The following NKAIN2 variants were observed in gnomAD, a reference collection of about 807,000 sequenced individuals.
NKAIN2 encodes sodium/potassium-transporting ATPase subunit beta-1-interacting protein 2.
Under a neutral mutation model 32.6 loss-of-function variants are expected in NKAIN2, and 14 were observed. The observed-to-expected ratio is 0.43, with a 90% CI of 0.28 to 0.67. The LOEUF (loss-of-function observed/expected upper bound fraction) is 0.67. Among genes scored for constraint, NKAIN2 ranks in the 30% least tolerant of loss-of-function variants. The pLI is 0.17. For missense variants in NKAIN2, 198 were observed against 258.3 expected (o/e 0.77, Z 1.60); for synonymous variants, 80 against 87.2 (o/e 0.92, Z 0.46).
At chr6:124,686,227 G>T (rs950166039) in intron 4 of NKAIN2, among the ~76,000 whole-genome samples, 1 of 152,096 alleles carries the variant, frequency 6.6e-6, no homozygotes, top group African/African-American at 2.4e-5. Context: ...AAAGACTCCC[G>T]CAAGGCAGGC....
At chr6:124,652,228 T>C (rs930776499) in intron 3 of NKAIN2, among the ~76,000 whole-genome samples, 2 of 152,152 alleles carry the variant, frequency 1.3e-5, no homozygotes, top group Non-Finnish European at 2.9e-5. Flanking sequence ...TTTACTCCAG[T>C]TTCCAAAAAG....
chr6:124,412,175 A>C (rs62436313), intron 3 of NKAIN2, among the ~76,000 whole-genome samples: 2 of 151,326 alleles, frequency 1.3e-5, no homozygotes, highest in Admixed American at 6.6e-5. Flanking sequence ...CCTTCTCTCA[A>C]CTCCTCAAAG....
chr6:124,042,542 A>T (rs977038496), intron 1 of NKAIN2, among the ~76,000 whole-genome samples: 1 of 151,992 alleles, frequency 6.6e-6, no homozygotes, highest in Non-Finnish European at 1.5e-5. Context: ...GGGGGAAAAA[A>T]CCCACAAACT....
intron 1 of NKAIN2, among the ~76,000 whole-genome samples, chr6:124,231,661 T>C (rs986183444): frequency 1.3e-5 from 2 of 152,114 alleles, no homozygotes; most frequent in African/African-American, 4.8e-5. Flanking sequence ...ACAAGCTCTC[T>C]TTTTGCTTTC....
At chr6:124,546,083 G>A (rs1048939962) in intron 3 of NKAIN2, among the ~76,000 whole-genome samples, 10 of 152,048 alleles carry the variant, frequency 6.6e-5, no homozygotes, top group African/African-American at 2.2e-4. Flanking sequence ...TTAAAGTTCC[G>A]ATGTTGTTAT....
At chr6:124,625,574 G>A (rs1429695101) in intron 3 of NKAIN2, among the ~76,000 whole-genome samples, 1 of 151,998 alleles carries the variant, frequency 6.6e-6, no homozygotes, top group African/African-American at 2.4e-5. Flanking sequence ...AAAAACCAGT[G>A]GTGCAGCAAG....
intron 1 of NKAIN2, among the ~76,000 whole-genome samples, chr6:124,221,376 G>A (rs1248090623): frequency 2.9e-4 from 41 of 140,152 alleles, no homozygotes; most frequent in Non-Finnish European, 5.8e-4. Flanking sequence ...TGGACACAGG[G>A]AGGGGAACAT....
intron 1 of NKAIN2, among the ~76,000 whole-genome samples, chr6:124,029,396 T>TA (rs77083509): frequency 0.035 from 4,947 of 143,250 alleles, 252 homozygotes; most frequent in African/African-American, 0.12. Context: ...TCATTTTATT[T>TA]AAAAAAAAAA....
chr6:124,726,367 G>T (rs563714866), intron 4 of NKAIN2, among the ~76,000 whole-genome samples: 1 of 152,204 alleles, frequency 6.6e-6, no homozygotes, highest in Non-Finnish European at 1.5e-5. Context: ...ATCTGAGAAC[G>T]GGCAGACTGC....
chr6:123,889,813 T>G lies in NKAIN2; in HGVS notation c.54+85559T>G, dbSNP rs561238258. Reference sequence around the variant, plus strand: ...ACCTTCTCACCTTTATGTTTTCACCTGTCTTAAAAGAGTTTCTGTTTCTTC... The same window carrying G: ...ACCTTCTCACCTTTATGTTTTCACCGGTCTTAAAAGAGTTTCTGTTTCTTC... On this transcript the variant is annotated intron_variant, in intron 1 of 6. Coordinates refer to ENST00000368417, the MANE Select transcript of NKAIN2 (RefSeq NM_001040214.3). 5.3e-5 allele frequency among the ~76,000 whole-genome samples: 8 copies of G among 152,292 alleles called. No homozygotes were observed. In the South Asian group the frequency reaches 8.3e-4, roughly 16 times the overall value.
chr6:123,885,792 A>G (rs900783394), intron 1 of NKAIN2, among the ~76,000 whole-genome samples: 3 of 152,060 alleles, frequency 2.0e-5, no homozygotes, highest in Admixed American at 1.3e-4. Flanking sequence ...CTTACTTAGT[A>G]TGAATTTTCC....
chr6:123,852,447 C>T (rs548717237), intron 1 of NKAIN2, among the ~76,000 whole-genome samples: 8 of 152,276 alleles, frequency 5.3e-5, no homozygotes, highest in Non-Finnish European at 8.8e-5. Flanking sequence ...TTCCCAGTCT[C>T]CCCAACCTCC....
chr6:124,193,025 A>G (rs1157229745), intron 1 of NKAIN2, among the ~76,000 whole-genome samples: 2 of 152,196 alleles, frequency 1.3e-5, no homozygotes, highest in Non-Finnish European at 2.9e-5. Flanking sequence ...CTGGGATTAC[A>G]GGCGTGAGCT....
chr6:124,663,861 G>A (rs969449750), intron 4 of NKAIN2, among the ~76,000 whole-genome samples: 3 of 152,212 alleles, frequency 2.0e-5, no homozygotes, highest in Admixed American at 6.5e-5. Flanking sequence ...AGTTGCTGCC[G>A]TTGAGTGTCA....
intron 3 of NKAIN2, among the ~76,000 whole-genome samples, chr6:124,556,086 C>CAAA (rs10592574): frequency 7.4e-6 from 1 of 135,130 alleles, no homozygotes; most frequent in African/African-American, 2.7e-5. Flanking sequence ...GTTTGCTATG[C>CAAA]AAAAAAAAAA....
rs1488608774 is a variant in NKAIN2 at position 124,712,339 on chromosome 6, G to A, written c.474+53953G>A. The stretch of plus-strand genomic sequence containing the variant: ...GGCAGGCCTCCTTGAGCTGTGGTGG[G>A]CTCCGCCCAGTTGGAGCTTTCTGGC... On this transcript the variant is annotated intron_variant, in intron 4 of 6. Transcript: ENST00000368417. Among the ~76,000 whole-genome samples the A allele has an allele frequency of 3.4e-5, 4 of 115,978 alleles. 2 individuals are homozygous for A. The highest frequency in any genetic ancestry group is 7.3e-5 in the Non-Finnish European group (4 of 54,576). 76.1% of individuals were successfully genotyped at this position (115,978 alleles called of 152,430 possible).
intron 3 of NKAIN2, among the ~76,000 whole-genome samples, chr6:124,368,789 A>T (rs2114313527): frequency 6.6e-6 from 1 of 152,256 alleles, no homozygotes; most frequent in East Asian, 1.9e-4. Flanking sequence ...TTATGGTTTT[A>T]TCTGTTCTCT....
At chr6:123,993,753 T>G (rs749818921) in intron 1 of NKAIN2, among the ~76,000 whole-genome samples, 5 of 152,224 alleles carry the variant, frequency 3.3e-5, no homozygotes, top group Non-Finnish European at 7.3e-5. Context: ...GAACATCTTT[T>G]ATGTCCATGT....
At chr6:124,190,011 GA>G (rs1314474746) in intron 1 of NKAIN2, among the ~76,000 whole-genome samples, 1 of 152,212 alleles carries the variant, frequency 6.6e-6, no homozygotes. Context: ...CAATTAATGT[GA>G]AGTGTTTTAA....
Sources: gnomAD v4.1 joint callset for allele counts (sites outside exome capture counted in the v4.1 genomes callset) on GRCh38, gnomAD v4.1.1 for gene constraint, MANE v1.5 for transcripts, NCBI Gene and HGNC (gene_info 2026-07-23, HGNC 2026-07-21) for gene names.